The following SETBP1 variants were observed in gnomAD, a reference collection of about 807,000 sequenced individuals.
SETBP1 encodes SET binding protein 1.
SETBP1 carries 9 observed loss-of-function variants against 101.0 expected under a neutral mutation model. The observed-to-expected ratio is 0.09, with a 90% CI of 0.05 to 0.16. The LOEUF is 0.16. Among genes scored for constraint, SETBP1 ranks in the 10% least tolerant of loss-of-function variants. The pLI is 1.00. For synonymous variants in SETBP1, 818 were observed against 788.5 expected, an observed-to-expected ratio of 1.04 and a Z score of -0.63; for missense variants, 1,858 against 2,033.8, an observed-to-expected ratio of 0.91 and a Z score of 1.66.
At chr18:44,972,054 A>G (rs949497242) in intron 4 of SETBP1, among the ~76,000 whole-genome samples, 3 of 152,198 alleles carry the variant, frequency 2.0e-5, no homozygotes, top group Admixed American at 6.5e-5. Flanking sequence ...ATTTTTGTAT[A>G]AGGTGTAAGG....
rs1599428315 is a variant in SETBP1, at chr18:44,997,991, T to C, written c.4001-40494T>C. Reference sequence around the variant, plus strand: ...CATTAAATAAGTAACAAAACTGGAATCTTTAGCACATATTGTAACTTGGAT... The same window carrying C: ...CATTAAATAAGTAACAAAACTGGAACCTTTAGCACATATTGTAACTTGGAT... On this transcript the variant is annotated intron_variant, in intron 4 of 5. Coordinates refer to ENST00000649279, the MANE Select transcript of SETBP1 (RefSeq NM_015559.3). Among the ~76,000 whole-genome samples, 3 of 152,178 alleles carry C rather than the reference T, an allele frequency of 2.0e-5. No individual in the cohort carries two copies. In the East Asian group the frequency reaches 5.8e-4, roughly 29 times the overall value.
chr18:44,769,274 A>G (rs1164897797), intron 2 of SETBP1, among the ~76,000 whole-genome samples: 1 of 152,178 alleles, frequency 6.6e-6, no homozygotes, highest in Non-Finnish European at 1.5e-5. Context: ...TTTCCATGGT[A>G]GCTCAACCTC....
intron 2 of SETBP1, among the ~76,000 whole-genome samples, chr18:44,704,362 C>T (rs189394327): frequency 3.7e-4 from 57 of 152,302 alleles, no homozygotes; most frequent in African/African-American, 1.3e-3. Context: ...GCCTCAGCAA[C>T]TGGAGGGGAC....
chr18:44,833,366 C>T lies in SETBP1; in HGVS notation c.487-35864C>T, dbSNP rs138339428. ...AGAGCTTGGTTTTCCTCCAGTGTTC[C>T]GAGAAGTAGGAGTGTGATGATTTGC... On this transcript the variant is annotated intron_variant, in intron 2 of 5. Transcript: ENST00000649279. 1.7e-3 allele frequency among the ~76,000 whole-genome samples: 266 copies of T among 152,190 alleles called. 3 individuals carry two copies. The highest frequency in any genetic ancestry group is 6.1e-3 in the African/African-American group (255 of 41,520).
intron 4 of SETBP1, among the ~76,000 whole-genome samples, chr18:45,005,509 C>T (rs1243211167): frequency 6.6e-6 from 1 of 152,120 alleles, no homozygotes; most frequent in Non-Finnish European, 1.5e-5. Flanking sequence ...GAAAGAGCTG[C>T]AGACTCTGTA....
chr18:44,820,257 T>C (rs2072082670), intron 2 of SETBP1, among the ~76,000 whole-genome samples: 1 of 152,182 alleles, frequency 6.6e-6, no homozygotes, highest in South Asian at 2.1e-4. Flanking sequence ...AACTCCCTGT[T>C]TTAGGGCATT....
intron 2 of SETBP1, among the ~76,000 whole-genome samples, chr18:44,763,797 C>A (rs888856432): frequency 6.6e-6 from 1 of 152,086 alleles, no homozygotes; most frequent in Non-Finnish European, 1.5e-5. Flanking sequence ...TCTGGGACAC[C>A]GCTCTTTATT....
chr18:44,791,416 A>G (rs1032391997), intron 2 of SETBP1, among the ~76,000 whole-genome samples: 1 of 152,202 alleles, frequency 6.6e-6, no homozygotes, highest in African/African-American at 2.4e-5. Flanking sequence ...CACAAAACAC[A>G]TACACACACA....
chr18:44,731,762 A>C (rs1485912381), intron 2 of SETBP1, among the ~76,000 whole-genome samples: 1 of 152,176 alleles, frequency 6.6e-6, no homozygotes, highest in Admixed American at 6.5e-5. Context: ...CCACCCGACA[A>C]ACACGTGCTC....
chr18:44,961,222 C>T (rs765596782), intron 4 of SETBP1, among the ~76,000 whole-genome samples: 7 of 152,258 alleles, frequency 4.6e-5, no homozygotes, highest in Middle Eastern at 3.4e-3. Flanking sequence ...GAAGGAATGC[C>T]AGAAATGCTG....
intron 3 of SETBP1, among the ~76,000 whole-genome samples, chr18:44,875,505 G>A (rs1176781108): frequency 2.6e-5 from 3 of 117,514 alleles, no homozygotes; most frequent in African/African-American, 1.0e-4. Flanking sequence ...CTCCAGCCTG[G>A]CAAGAGAGCA....
intron 5 of SETBP1, among the ~76,000 whole-genome samples, chr18:45,040,918 T>C (rs1474969361): frequency 1.3e-5 from 2 of 152,104 alleles, no homozygotes; most frequent in East Asian, 3.9e-4. Flanking sequence ...TGGGGGGAAA[T>C]AGGCCAGATA....
At chr18:44,918,060 T>C (rs1259649050) in intron 3 of SETBP1, among the ~76,000 whole-genome samples, 1 of 152,168 alleles carries the variant, frequency 6.6e-6, no homozygotes, top group Non-Finnish European at 1.5e-5. Context: ...GTAGATTAGA[T>C]GTCTGAAAGC....
rs552168758 is a variant in SETBP1 at position 44,889,495 on chromosome 18, A to G, written c.540+20212A>G. 1.3e-4 allele frequency among the ~76,000 whole-genome samples: 20 copies of G among 152,240 alleles called. No homozygotes were observed. In the South Asian group the frequency reaches 4.1e-3, roughly 32 times the overall value. ...AGTGTAGACTAGAGTCATAAGAAAT[A>G]CTGTCTTTGGATGCTCAAGTCATCT... On this transcript the variant is annotated intron_variant, in intron 3 of 5. Transcript: ENST00000649279.
chr18:44,713,773 T>G (rs1350325125), intron 2 of SETBP1, among the ~76,000 whole-genome samples: 2 of 152,348 alleles, frequency 1.3e-5, no homozygotes, highest in African/African-American at 4.8e-5. Flanking sequence ...TCACATCCGA[T>G]AGTCAGTCGA....
intron 4 of SETBP1, among the ~76,000 whole-genome samples, chr18:44,995,543 G>T (rs1472514143): frequency 2.7e-4 from 41 of 150,904 alleles, no homozygotes; most frequent in African/African-American, 9.3e-4. Context: ...GTGTGTGTGT[G>T]TGTGTGTGTG....
intron 4 of SETBP1, among the ~76,000 whole-genome samples, chr18:45,005,623 C>T (rs889134880): frequency 4.0e-5 from 6 of 151,040 alleles, no homozygotes; most frequent in African/African-American, 9.8e-5. Context: ...CTCCTGCCTC[C>T]GTGAAGTCTT....
chr18:44,800,766 C>G (rs1452811172), intron 2 of SETBP1, among the ~76,000 whole-genome samples: 1 of 152,168 alleles, frequency 6.6e-6, no homozygotes, highest in African/African-American at 2.4e-5. Context: ...TCCTTGTTGA[C>G]CGGGAGAGAA....
Position 45,063,346 on chromosome 18 carries a change from A to G in SETBP1, c.4439A>G (p.Asp1480Gly). Residue 1480 changes from aspartate to glycine, a missense_variant, in exon 6 of 6, where the codon GAC (aspartate) becomes GGC (glycine). Physicochemically the swap from Asp to Gly is moderately conservative, Grantham distance 94. Around this residue, in one of 12 missense-constraint regions of SETBP1, gnomAD observed 178 missense variants for 189.1 expected, o/e 0.94. Coordinates refer to ENST00000649279, the MANE Select transcript of SETBP1 (RefSeq NM_015559.3). Reference protein sequence around the residue: ...DQMPVLEKCIDLPSKRGQKPS... With the variant: ...DQMPVLEKCIGLPSKRGQKPS... ...ATGCCGGTGCTGGAAAAATGCATCG[A>G]CCTGCCCAGCAAAAGAGGCCAGAAG... 6.3e-7 allele frequency: 1 copy of G among 1,582,970 alleles called. No individual in the cohort carries two copies. The highest frequency in any genetic ancestry group is 8.6e-7 in the Non-Finnish European group (1 of 1,165,040).
Sources: gnomAD v4.1 joint callset for allele counts (sites outside exome capture counted in the v4.1 genomes callset) on GRCh38, gnomAD v4.1.1 for gene constraint, gnomAD v4.1.1 regional missense constraint, MANE v1.5 for transcripts, NCBI Gene and HGNC (gene_info 2026-07-23, HGNC 2026-07-21) for gene names.